The following SGCD variants were observed in gnomAD, a reference collection of about 807,000 sequenced individuals.
SGCD encodes sarcoglycan delta.
In SGCD, 18 loss-of-function variants were observed where a neutral mutation model predicts 36.6. That is an observed-to-expected ratio of 0.49 (90% CI 0.34 to 0.73). SGCD has a LOEUF of 0.73. Among genes scored for constraint, SGCD ranks in the 30% least tolerant of loss-of-function variants. The pLI is 0.01. For missense variants in SGCD, 387 were observed against 346.7 expected (o/e 1.12, Z -0.92); for synonymous variants, 133 against 130.6 (o/e 1.02, Z -0.12).
rs182269287 is a variant in SGCD, at chr5:156,657,305, T to C, written c.575+9769T>C. Among the ~76,000 whole-genome samples, 310 of 152,084 alleles carry C rather than the reference T, an allele frequency of 2.0e-3. 1 individual carries two copies. Among genetic ancestry groups the C allele is most frequent in the African/African-American group, 6.9e-3 (287 of 41,496 alleles). On this transcript the variant is annotated intron_variant, in intron 7 of 8. Transcript: ENST00000337851. ...TACATGTGCACAATGTGCAGGTTTG[T>C]TACATATGTATACATGTGCCATGTT... is the stretch of plus-strand genomic sequence containing the variant.
At chr5:155,864,862 T>C in the SGCD span, among the ~76,000 whole-genome samples, 1 of 152,234 alleles carries the variant, frequency 6.6e-6, no homozygotes, top group Non-Finnish European at 1.5e-5. Flanking sequence ...ACCCATCTTT[T>C]AGTACAGATT....
chr5:155,898,744 C>T (rs1018246790), intron 1 of SGCD, among the ~76,000 whole-genome samples: 1 of 152,174 alleles, frequency 6.6e-6, no homozygotes, highest in African/African-American at 2.4e-5. Flanking sequence ...GCTGCTGCAG[C>T]TCAGGAAAAA....
intron 6 of SGCD, among the ~76,000 whole-genome samples, chr5:156,640,783 C>T (rs112280895): frequency 5.3e-5 from 8 of 152,088 alleles, no homozygotes; most frequent in Non-Finnish European, 4.4e-5. Context: ...GTCCTGATTC[C>T]TAAAAAGAAA....
At chr5:155,771,495 C>T in the SGCD span, among the ~76,000 whole-genome samples, 1 of 151,772 alleles carries the variant, frequency 6.6e-6, no homozygotes, top group South Asian at 2.1e-4. Flanking sequence ...GTGATATCAG[C>T]TTACTGCAAT....
intron 1 of SGCD, among the ~76,000 whole-genome samples, chr5:155,901,548 G>T (rs986498448): frequency 3.9e-5 from 6 of 152,028 alleles, no homozygotes; most frequent in African/African-American, 1.5e-4. Flanking sequence ...ATAGTAACTG[G>T]CAGATCTGAA....
At chr5:156,601,552 T>A (rs1174465342) in intron 6 of SGCD, among the ~76,000 whole-genome samples, 1 of 152,224 alleles carries the variant, frequency 6.6e-6, no homozygotes. Context: ...GTAGTATGTT[T>A]AGAAGTGCAA....
At chr5:156,084,847 C>T (rs114225026) in intron 1 of SGCD, among the ~76,000 whole-genome samples, 1 of 152,120 alleles carries the variant, frequency 6.6e-6, no homozygotes, top group African/African-American at 2.4e-5. Context: ...TTCCTTTTAT[C>T]AGTTGAAGTG....
intron 7 of SGCD, among the ~76,000 whole-genome samples, chr5:156,751,762 A>C (rs1320014731): frequency 6.6e-6 from 1 of 152,268 alleles, no homozygotes; most frequent in Non-Finnish European, 1.5e-5. Flanking sequence ...TTTCACAGTC[A>C]TTTCATACTT....
intron 1 of SGCD, among the ~76,000 whole-genome samples, chr5:156,058,237 G>C (rs1760109351): frequency 6.8e-6 from 1 of 146,202 alleles, no homozygotes; most frequent in Non-Finnish European, 1.5e-5. Flanking sequence ...AACATGTTAA[G>C]TAATATTATG....
chr5:156,749,950 C>T (rs1346778591), intron 7 of SGCD, among the ~76,000 whole-genome samples: 1 of 151,192 alleles, frequency 6.6e-6, no homozygotes. Context: ...TTTATGAATA[C>T]AGATGCAAAT....
In SGCD at chr5:155,931,780, T is replaced by A. The variant is rs549312256; in HGVS notation, c.-282+61356T>A. 6.3e-4 allele frequency among the ~76,000 whole-genome samples: 96 copies of A among 152,328 alleles called. 1 individual carries two copies. The South Asian group carries it at 9.7e-3, about 15-fold the overall frequency. ...TCAGCCACTTACTATCTGTCTGTTCTTATGCAAATCTCCTTAGTCCATTTG... is the reference window on the plus strand; with the variant it reads ...TCAGCCACTTACTATCTGTCTGTTCATATGCAAATCTCCTTAGTCCATTTG... On this transcript the variant is annotated intron_variant, in intron 1 of 9. Transcript: ENST00000517913.
intron 6 of SGCD, among the ~76,000 whole-genome samples, chr5:156,616,860 C>T (rs73299190): frequency 0.052 from 7,905 of 152,198 alleles, 687 homozygotes; most frequent in African/African-American, 0.18. Flanking sequence ...AACATGATCA[C>T]ACTCATTTAA....
intron 1 of SGCD, among the ~76,000 whole-genome samples, chr5:155,910,574 A>G (rs1756610077): frequency 6.6e-6 from 1 of 152,046 alleles, no homozygotes; most frequent in Admixed American, 6.6e-5. Context: ...AAAAATATCC[A>G]CAGAGGGCCA....
At chr5:155,928,421 A>C (rs917730949) in intron 1 of SGCD, among the ~76,000 whole-genome samples, 2 of 152,104 alleles carry the variant, frequency 1.3e-5, no homozygotes, top group African/African-American at 4.8e-5. Context: ...TAATCCCAAC[A>C]CTTTGGGAGG....
At chr5:155,995,051 C>T (rs1189224245) in intron 1 of SGCD, among the ~76,000 whole-genome samples, 4 of 152,154 alleles carry the variant, frequency 2.6e-5, no homozygotes, top group African/African-American at 7.2e-5. Context: ...AAAAGGCCCA[C>T]GGGCCCTAGG....
intron 3 of SGCD, among the ~76,000 whole-genome samples, chr5:156,505,633 G>A (rs1756662093): frequency 6.6e-6 from 1 of 152,204 alleles, no homozygotes; most frequent in South Asian, 2.1e-4. Context: ...CGTAACAGCA[G>A]GCCCAGCATG....
intron 3 of SGCD, among the ~76,000 whole-genome samples, chr5:156,353,401 G>A (rs1769349484): frequency 1.3e-5 from 2 of 152,306 alleles, no homozygotes; most frequent in African/African-American, 4.8e-5. Context: ...TTTTAATACA[G>A]ACACTCGCTC....
the SGCD span, among the ~76,000 whole-genome samples, chr5:155,772,806 G>C: frequency 3.3e-5 from 5 of 151,642 alleles, no homozygotes; most frequent in African/African-American, 1.2e-4. Context: ...CTTTTCCCCT[G>C]TCCCAACTTC....
chr5:155,929,131 G>A (rs1757051240), intron 1 of SGCD, among the ~76,000 whole-genome samples: 1 of 152,022 alleles, frequency 6.6e-6, no homozygotes, highest in Non-Finnish European at 1.5e-5. Flanking sequence ...ATTTGTTACA[G>A]GTTTTAGTGA....
Sources: gnomAD v4.1 joint callset for allele counts (sites outside exome capture counted in the v4.1 genomes callset) on GRCh38, gnomAD v4.1.1 for gene constraint, MANE v1.5 for transcripts, NCBI Gene and HGNC (gene_info 2026-07-23, HGNC 2026-07-21) for gene names.